The following PIEZO1 variants were observed in gnomAD, a reference collection of about 807,000 sequenced individuals.
PIEZO1 encodes piezo-type mechanosensitive ion channel component 1.
A neutral mutation model predicts 297.2 loss-of-function variants in PIEZO1; 296 were observed. That is an observed-to-expected ratio of 1.00 (90% CI 0.91 to 1.10). PIEZO1 has a LOEUF of 1.10. Among genes scored for constraint, PIEZO1 ranks in the 50% least tolerant of loss-of-function variants. The pLI is 0.00. For synonymous variants in PIEZO1, 2,427 were observed against 1,507.5 expected (o/e 1.61, Z -14.13); for missense variants, 5,018 against 3,455.5 (o/e 1.45, Z -11.34).
intron 1 of PIEZO1, among the ~76,000 whole-genome samples, chr16:88,783,097 G>A (rs535000482): frequency 6.6e-6 from 1 of 152,298 alleles, no homozygotes; most frequent in South Asian, 2.1e-4. Flanking sequence ...AGACTGACAC[G>A]GGGCCTGGGT....
intron 1 of PIEZO1, among the ~76,000 whole-genome samples, chr16:88,753,081 ACCGCCCCCAGAGCACACCC>A (rs1906472985): frequency 4.0e-5 from 1 of 25,062 alleles, no homozygotes; most frequent in Non-Finnish European, 9.6e-5. Flanking sequence ...AAGCCCACCC[ACCGCCCCCAGAGCACACCC>A]ACCGCCCCCC....
At chr16:88,732,918 C>A in intron 19 of PIEZO1, 186 bp from the exon 20 acceptor site, 2 of 624,764 alleles carry the variant, frequency 3.2e-6, no homozygotes, top group Non-Finnish European at 5.6e-6. Flanking sequence ...AGGGAGACCA[C>A]GGGCAGGGGC....
chr16:88,723,776 AGGCCCT>A lies in PIEZO1; in HGVS notation c.4335+89_4335+94del, dbSNP rs1904302693. The A allele has an allele frequency of 2.3e-5, 16 of 691,820 alleles. No homozygotes were observed. The South Asian group carries it at 2.4e-4, about 10-fold the overall frequency. 42.9% of individuals were successfully genotyped at this position (691,820 alleles called of 1,614,324 possible). ...CTGGAGGTGGAGGAGCTCGGCTCCCAGGCCCTGGGGGCATCTGACACCCTCTATGCT... is the reference window on the plus strand; with the variant it reads ...CTGGAGGTGGAGGAGCTCGGCTCCCAGGGGGCATCTGACACCCTCTATGCT... On this transcript the variant is annotated intron_variant, in intron 31 of 50. Coordinates refer to ENST00000301015, the MANE Select transcript of PIEZO1 (RefSeq NM_001142864.4).
intron 1 of PIEZO1, among the ~76,000 whole-genome samples, chr16:88,784,026 C>A (rs555110160): frequency 3.9e-5 from 6 of 152,356 alleles, no homozygotes; most frequent in African/African-American, 1.2e-4. Flanking sequence ...ACGTGGGGAG[C>A]CCCCGGGCGG....
In PIEZO1 at chr16:88,720,503, C is replaced by T. The variant is rs531054342; in HGVS notation, c.5831G>A (p.Arg1944His). Residue 1944 changes from arginine (R) to histidine (H), a missense_variant, in exon 41 of 51, where the codon CGC (arginine) becomes CAC (histidine). Transcript: ENST00000301015. ...LAQGTYRPLRRFFHDILHTKY... is the reference protein window; with the variant it reads ...LAQGTYRPLRHFFHDILHTKY... The stretch of plus-strand genomic sequence containing the variant: ...GGTGTGCAGGATGTCGTGGAAGAAG[C>T]GCCGTAGCGGCCGATATGTGCCCTG... 23 of 1,550,236 alleles carry T rather than the reference C, an allele frequency of 1.5e-5. No individual in the cohort carries two copies. Among genetic ancestry groups the T allele is most frequent in the Middle Eastern group, 1.7e-4 (1 of 5,992 alleles).
In PIEZO1 at chr16:88,734,862, GC is replaced by G; in HGVS notation, c.1848+12del. The G allele has an allele frequency of 7.7e-6, 12 of 1,550,212 alleles. No homozygotes were observed. Among genetic ancestry groups the G allele is most frequent in the African/African-American group, 1.4e-5 (1 of 73,170 alleles). On this transcript the variant is annotated intron_variant, in intron 14 of 50. Transcript: ENST00000301015. ...GGTCCGTGCCCCAGCCCCCATCCCG[GC>G]CCCCCAGCCACCTGGAAGAGGGTGA...
rs1908126293 is a variant in PIEZO1 at position 88,785,145 on chromosome 16, C to G, written c.-181G>C. ...CCGACGTCCCGGGCCCGCGCTCGCT[C>G]AGGCGACCGCCCTGCCCCTCGGCGG... is the stretch of plus-strand genomic sequence containing the variant. On this transcript the variant is annotated 5_prime_UTR_variant, in exon 1 of 51. Coordinates refer to ENST00000301015, the MANE Select transcript of PIEZO1 (RefSeq NM_001142864.4). 3.2e-6 allele frequency: 1 copy of G among 316,468 alleles called. No individual in the cohort carries two copies. The allele number at this position is 316,468 out of a possible 1,614,324, so 19.6% of individuals were successfully genotyped here. A position where few individuals can be genotyped will look rare whatever the true frequency, so the allele number is the denominator to read the frequency against.
chr16:88,736,092 C>G (rs1012603278), intron 12 of PIEZO1, 56 bp downstream of exon 12: 131 of 1,481,246 alleles, frequency 8.8e-5, no homozygotes, highest in Middle Eastern at 7.2e-4. Flanking sequence ...AACAGGACGA[C>G]AACCCTGATG....
intron 29 of PIEZO1, 145 bp downstream of exon 29, chr16:88,725,271 C>T (rs1049972702): frequency 4.6e-5 from 32 of 691,934 alleles, no homozygotes; most frequent in Non-Finnish European, 7.0e-5. Flanking sequence ...GCCATGGGGC[C>T]TGCCAGACAG....
intron 1 of PIEZO1, among the ~76,000 whole-genome samples, chr16:88,759,843 G>T (rs1906845448): frequency 6.6e-6 from 1 of 152,164 alleles, no homozygotes; most frequent in Non-Finnish European, 1.5e-5. Context: ...TACCACCCCA[G>T]AGTGCCAGCA....
chr16:88,725,856 C>T (rs1044067691), intron 27 of PIEZO1, 172 bp from the exon 28 acceptor site: 31 of 606,738 alleles, frequency 5.1e-5, no homozygotes, highest in African/African-American at 2.0e-4. Context: ...GTGCTGTCTG[C>T]GGCGAGGACA....
rs1912420534 is a variant in PIEZO1, at chr16:88,721,258, A to C, written c.5576T>G (p.Val1859Gly). The C allele has an allele frequency of 3.2e-6, 5 of 1,543,160 alleles. No individual in the cohort carries two copies. The East Asian group carries it at 1.2e-4, about 38-fold the overall frequency. ...GPTDGTPEPQ[V>G]ELRPRDTRRI... ...CCTCGTATCACGGGGCCTGAGCTCC[A>C]CTTGGGGTTCTGGGGTCCCGTCCGT... Residue 1859 changes from valine to glycine, a missense_variant, in exon 39 of 51, where the codon GTG becomes GGG. Val to Gly is a moderately radical substitution (Grantham distance 109). Coordinates refer to ENST00000301015, the MANE Select transcript of PIEZO1 (RefSeq NM_001142864.4).
Position 88,731,919 on chromosome 16 carries a change from G to A in PIEZO1, c.2992-9C>T. ...GCCATCAGGAAGCAGATCTGGGGAG[G>A]GGAGAGGGCGGGGTGTGGGGATGCA... On this transcript the variant is annotated splice_polypyrimidine_tract_variant and intron_variant, in intron 21 of 50. Transcript: ENST00000301015. 2 of 1,449,180 alleles carry A rather than the reference G, an allele frequency of 1.4e-6. No homozygotes were observed. The highest frequency in any genetic ancestry group is 1.2e-5 in the South Asian group (1 of 81,878). The allele number at this position is 1,449,180 out of a possible 1,614,324, so 89.8% of individuals were successfully genotyped here.
chr16:88,734,286 C>T, intron 16 of PIEZO1, 70 bp downstream of exon 16: 2 of 1,382,376 alleles, frequency 1.4e-6, no homozygotes, highest in Non-Finnish European at 1.9e-6. Context: ...TGTCCAACTC[C>T]CACCTGGCTC....
rs532112751 is a variant in PIEZO1 at position 88,726,330 on chromosome 16, G to C, written c.3922C>G (p.Leu1308Val). 4.9e-4 allele frequency: 764 copies of C among 1,550,296 alleles called. No individual in the cohort carries two copies. The highest frequency in any genetic ancestry group is 6.5e-4 in the Non-Finnish European group (750 of 1,146,954). The change falls in exon 27 of 51, where the codon CTG becomes GTG. Residue 1308 changes from leucine (L) to valine (V), a missense_variant. Transcript: ENST00000301015. ...GCCTGGAGGTCGGCCCTGACGTGCA[G>C]GTAGTAATGGCTAAGGAAGACGCGG... is the stretch of plus-strand genomic sequence containing the variant. ...QRRVFLSHYY[L>V]HVRADLQATA...
rs900091029 is a variant in PIEZO1 at position 88,738,072 on chromosome 16, G to A, written c.882C>T (p.Thr294=). The change falls in exon 8 of 51, where the codon ACC becomes ACT. Residue 294 remains threonine (T), a synonymous_variant. Coordinates refer to ENST00000301015, the MANE Select transcript of PIEZO1 (RefSeq NM_001142864.4). ...CCAGCGCGTGGGGGCTGGAGCAGTT[G>A]GTGGGACCCACGAAGTCCTTGAGAC... The part of the protein sequence containing the change: ...VLGLKDFVGP[T]NCSSPHALVL... The A allele has an allele frequency of 1.8e-5, 27 of 1,535,718 alleles. No individual in the cohort carries two copies. Among genetic ancestry groups the A allele is most frequent in the East Asian group, 2.4e-5 (1 of 40,920 alleles).
At position 88,716,357 on chromosome 16, in the gene PIEZO1, T is replaced by C; in HGVS notation, c.7049+4A>G. 1 of 1,528,892 alleles carries C rather than the reference T, an allele frequency of 6.5e-7. No individual in the cohort carries two copies. The highest frequency in any genetic ancestry group is 8.8e-7 in the Non-Finnish European group (1 of 1,133,744). 94.7% of individuals were successfully genotyped at this position (1,528,892 alleles called of 1,614,324 possible). ...CCTGCCCACCACCCGGGCCCTTCAC[T>C]CACACAGACTGGTCCGAGGTGCCCT... On this transcript the variant is annotated splice_donor_region_variant and intron_variant, in intron 48 of 50. Transcript: ENST00000301015.
At chr16:88,722,755 G>A (rs1024056187) in intron 34 of PIEZO1, 66 bp from the exon 35 acceptor site, 7 of 1,527,840 alleles carry the variant, frequency 4.6e-6, no homozygotes, top group East Asian at 2.5e-5. Context: ...GTTTCGTGCA[G>A]TGGGCGCGGG....
intron 2 of PIEZO1, among the ~76,000 whole-genome samples, chr16:88,748,949 A>G (rs1217921555): frequency 6.8e-6 from 1 of 146,406 alleles, no homozygotes; most frequent in East Asian, 2.0e-4. Flanking sequence ...AAAAAAAAAA[A>G]AAAAAAAGCC....
Sources: gnomAD v4.1 joint callset for allele counts (sites outside exome capture counted in the v4.1 genomes callset) on GRCh38, gnomAD v4.1.1 for gene constraint, MANE v1.5 for transcripts, NCBI Gene and HGNC (gene_info 2026-07-23, HGNC 2026-07-21) for gene names.